Variants in GPR21 observed in about 807,000 individuals in gnomAD.
The protein encoded by GPR21 is probable G protein-coupled receptor 21.
In GPR21, 9 loss-of-function variants were observed where a neutral mutation model predicts 21.5. That is an observed-to-expected ratio of 0.42 (90% confidence interval 0.25 to 0.73). The LOEUF is 0.73. Among genes scored for constraint, GPR21 ranks in the 30% least tolerant of loss-of-function variants. The pLI, the probability that GPR21 is intolerant of heterozygous loss-of-function variation, is 0.27. For missense variants in GPR21, 416 were observed against 428.9 expected, an observed-to-expected ratio of 0.97 and a Z score of 0.27; for synonymous variants, 169 against 159.3, an observed-to-expected ratio of 1.06 and a Z score of -0.46.
the GPR21 span, among the ~76,000 whole-genome samples, chr9:123,047,919 GTTTTTTTTTTTTTTTTTTTT>G: frequency 3.5e-3 from 218 of 62,280 alleles, 1 homozygote; most frequent in Non-Finnish European, 7.0e-3. Context: ...CAGCTGCTGG[GTTTTTTTTTTTTTTTTTTTT>G]TTTTTTTTTT....
Position 123,035,324 on chromosome 9 carries a change from T to A in GPR21, c.758T>A (p.Val253Asp). The change falls in exon 2 of 2, where the codon GTC (valine) becomes GAC (aspartate). Residue 253 changes from valine to aspartate, a missense_variant. Transcript: ENST00000616002. Reference sequence around the variant, plus strand: ...TGTCCTGATAAGCGCTATGCCATGGTCCTGTTTCGAATCACTAGTGTATTT... The same window carrying A: ...TGTCCTGATAAGCGCTATGCCATGGACCTGTTTCGAATCACTAGTGTATTT... ...QACPDKRYAM[V>D]LFRITSVFYI... 6.2e-7 allele frequency: 1 copy of A among 1,614,178 alleles called. No individual in the cohort carries two copies. The highest frequency in any genetic ancestry group is 2.2e-5 in the East Asian group (1 of 44,878).
downstream of GPR21, chr9:123,035,694 T>G: frequency 1.2e-5 from 10 of 845,064 alleles, no homozygotes; most frequent in Non-Finnish European, 1.8e-5. Context: ...ATTTTATCTC[T>G]AAGTATTCCT....
chr9:123,038,804 C>T (rs1255935644), downstream of GPR21, among the ~76,000 whole-genome samples: 1 of 151,574 alleles, frequency 6.6e-6, no homozygotes, highest in African/African-American at 2.4e-5. Context: ...GTAGACATTT[C>T]TTATGGCTGT....
chr9:123,034,213 ATCT>A lies in GPR21; in HGVS notation c.-348_-346del, dbSNP rs1318854895. The A allele has an allele frequency of 7.1e-6, 2 of 282,558 alleles. No individual in the cohort carries two copies. Among genetic ancestry groups the A allele is most frequent in the East Asian group, 6.7e-5 (1 of 14,834 alleles). 17.5% of individuals were successfully genotyped at this position (282,558 alleles called of 1,614,324 possible). ...ATTACAACTCCTGCTGAAGCTCCTA[ATCT>A]TCTTCCCTTCTCTTCTACCCTTTCC... is the stretch of plus-strand genomic sequence containing the variant. On this transcript the variant is annotated 5_prime_UTR_variant, in exon 2 of 2. Transcript: ENST00000616002.
chr9:123,038,517 C>CT (rs5900553), downstream of GPR21, among the ~76,000 whole-genome samples: 94,791 of 151,806 alleles, frequency 0.62, 36,740 homozygotes, highest in Non-Finnish European at 0.86. Flanking sequence ...TGCATGTTGA[C>CT]TTGGTATAGG....
Position 123,035,603 on chromosome 9 carries a change from G to T in GPR21, c.1037G>T (p.Gly346Val). The change falls in exon 2 of 2, where the codon GGA becomes GTA. Residue 346 changes from glycine to valine, a missense_variant. Transcript: ENST00000616002. ...YTVRSKGPLN[G>V]CHI ...GTTAGAAGCAAAGGCCCTCTTAATGGATGTCATATCTGAAGTGGCTCAGTT... is the reference window on the plus strand; with the variant it reads ...GTTAGAAGCAAAGGCCCTCTTAATGTATGTCATATCTGAAGTGGCTCAGTT... 1 of 1,585,728 alleles carries T rather than the reference G, an allele frequency of 6.3e-7. No homozygotes were observed.
chr9:123,048,173 A>G, the GPR21 span, among the ~76,000 whole-genome samples: 1 of 152,034 alleles, frequency 6.6e-6, no homozygotes, highest in Non-Finnish European at 1.5e-5. Flanking sequence ...TCCTGACCTC[A>G]GGTGATCCGT....
At chr9:123,035,821 A>G, downstream of GPR21, 1 of 495,016 alleles carries the variant, frequency 2.0e-6, no homozygotes, top group Non-Finnish European at 3.5e-6. Context: ...TGTGAATTAG[A>G]AGACTCAAGA....
chr9:123,036,797 G>A (rs1324944542), downstream of GPR21, among the ~76,000 whole-genome samples: 3 of 151,454 alleles, frequency 2.0e-5, no homozygotes, highest in Admixed American at 6.6e-5. Flanking sequence ...AAATCCTTTG[G>A]CATACAGTTC....
the GPR21 span, among the ~76,000 whole-genome samples, chr9:123,047,919 G>GTTTTTTTTTTTTT: frequency 4.7e-4 from 29 of 62,282 alleles, 8 homozygotes; most frequent in Non-Finnish European, 8.6e-4. Context: ...CAGCTGCTGG[G>GTTTTTTTTTTTTT]TTTTTTTTTT....
the GPR21 span, among the ~76,000 whole-genome samples, chr9:123,045,534 ATAAAGT>A: frequency 6.6e-5 from 10 of 152,210 alleles, no homozygotes; most frequent in African/African-American, 1.4e-4. Context: ...AACACTGGAA[ATAAAGT>A]TAAAACAAAA....
chr9:123,035,967 G>A (rs568148731), downstream of GPR21, among the ~76,000 whole-genome samples: 14 of 152,240 alleles, frequency 9.2e-5, 2 homozygotes, highest in South Asian at 1.2e-3. Context: ...TGTGAAAAGC[G>A]TCAGCATTTT....
downstream of GPR21, among the ~76,000 whole-genome samples, chr9:123,038,741 T>C (rs527809375): frequency 1.6e-4 from 24 of 151,406 alleles, no homozygotes; most frequent in South Asian, 3.9e-3. Context: ...ATATTAAGTA[T>C]TTATATTAAA....
chr9:123,045,971 T>A, the GPR21 span, among the ~76,000 whole-genome samples: 1 of 152,204 alleles, frequency 6.6e-6, no homozygotes, highest in Non-Finnish European at 1.5e-5. Context: ...TCCAATGACT[T>A]CCAGGTCCTG....
At chr9:123,044,209 A>G in the GPR21 span, among the ~76,000 whole-genome samples, 1 of 152,112 alleles carries the variant, frequency 6.6e-6, no homozygotes, top group Non-Finnish European at 1.5e-5. Flanking sequence ...AGCCAGGTGT[A>G]TTATTTTCTA....
chr9:123,035,305 G>A lies in GPR21; in HGVS notation c.739G>A (p.Asp247Asn). Residue 247 changes from aspartate to asparagine, a missense_variant, in exon 2 of 2, where the codon GAT becomes AAT. Coordinates refer to ENST00000616002, the MANE Select transcript of GPR21 (RefSeq NM_005294.3). ...GETGEVQACP[D>N]KRYAMVLFRI... ...GACTGGGGAAGTGCAGGCCTGTCCTGATAAGCGCTATGCCATGGTCCTGTT... is the reference window on the plus strand; with the variant it reads ...GACTGGGGAAGTGCAGGCCTGTCCTAATAAGCGCTATGCCATGGTCCTGTT... 2 of 1,614,184 alleles carry A rather than the reference G, an allele frequency of 1.2e-6. No homozygotes were observed. Among genetic ancestry groups the A allele is most frequent in the Non-Finnish European group, 1.7e-6 (2 of 1,180,022 alleles).
chr9:123,048,005 C>T, the GPR21 span, among the ~76,000 whole-genome samples: 1 of 134,108 alleles, frequency 7.5e-6, no homozygotes, highest in African/African-American at 2.6e-5. Flanking sequence ...ATGGCGCGAT[C>T]TCGGCCCACT....
Position 123,034,686 on chromosome 9 carries a change from A to G in GPR21, c.120A>G (p.Val40=), listed in dbSNP as rs760241938. The part of the protein sequence containing the change: ...LEVLIIVFLT[V]LIISGNIIVI... ...TATTGATTATTGTCTTTCTAACTGTATTGATTATTTCTGGCAACATCATTG... is the reference window on the plus strand; with the variant it reads ...TATTGATTATTGTCTTTCTAACTGTGTTGATTATTTCTGGCAACATCATTG... The change falls in exon 2 of 2, where the codon GTA becomes GTG. Residue 40 remains valine, a synonymous_variant. Transcript: ENST00000616002. 1 of 1,613,074 alleles carries G rather than the reference A, an allele frequency of 6.2e-7. No individual in the cohort carries two copies. Among genetic ancestry groups the G allele is most frequent in the South Asian group, 1.1e-5 (1 of 91,068 alleles).
chr9:123,034,485 C>T lies in GPR21; in HGVS notation c.-82C>T, dbSNP rs552275243. 60 of 837,252 alleles carry T rather than the reference C, an allele frequency of 7.2e-5. 1 individual carries two copies. Among genetic ancestry groups the T allele is most frequent in the South Asian group, 7.0e-4 (43 of 61,824 alleles). 51.9% of individuals were successfully genotyped at this position (837,252 alleles called of 1,614,324 possible). A position where few individuals can be genotyped will look rare whatever the true frequency, so the allele number is the denominator to read the frequency against. On this transcript the variant is annotated 5_prime_UTR_variant, in exon 2 of 2. Transcript: ENST00000616002. The stretch of plus-strand genomic sequence containing the variant: ...ATTATTACACACATGCAAAGCTGAC[C>T]GCAATGACAGCAGCTGCTTCTTTGA...
Sources: gnomAD v4.1 joint callset for allele counts (sites outside exome capture counted in the v4.1 genomes callset) on GRCh38, gnomAD v4.1.1 for gene constraint, MANE v1.5 for transcripts, NCBI Gene and HGNC (gene_info 2026-07-23, HGNC 2026-07-21) for gene names.